Variants in YAF2 observed in about 807,000 individuals in gnomAD.
YAF2 encodes YY1 associated factor 2.
A neutral mutation model predicts 20.1 loss-of-function variants in YAF2; 7 were observed. The ratio of observed to expected loss-of-function variants is 0.35; its 90% CI spans 0.20 to 0.65. The LOEUF is 0.65. Ranked by LOEUF, YAF2 falls within the 30% of genes least tolerant of loss-of-function variation. YAF2 has a pLI of 0.69. For missense variants in YAF2, 151 were observed against 219.2 expected (o/e 0.69, Z 1.96); for synonymous variants, 74 against 76.0 (o/e 0.97, Z 0.14).
At chr12:42,176,875 G>C (rs1479538990) in intron 2 of YAF2, among the ~76,000 whole-genome samples, 2 of 152,176 alleles carry the variant, frequency 1.3e-5, no homozygotes, top group Non-Finnish European at 2.9e-5. Context: ...GCTAAGGCAG[G>C]AGAATCGCTT....
intron 2 of YAF2, among the ~76,000 whole-genome samples, chr12:42,189,516 G>A (rs538214092): frequency 1.3e-5 from 2 of 152,316 alleles, no homozygotes; most frequent in South Asian, 4.1e-4. Flanking sequence ...AGAACCATTA[G>A]GGGCCTGAGA....
At chr12:42,228,149 G>T (rs1299919041) in intron 2 of YAF2, among the ~76,000 whole-genome samples, 2 of 83,906 alleles carry the variant, frequency 2.4e-5, no homozygotes, top group Non-Finnish European at 4.8e-5. Flanking sequence ...AGGGAGGTGG[G>T]GGGGGTCGGC....
intron 2 of YAF2, among the ~76,000 whole-genome samples, chr12:42,217,454 C>T (rs1472483463): frequency 3.9e-5 from 6 of 151,970 alleles, no homozygotes; most frequent in African/African-American, 1.5e-4. Flanking sequence ...TATAAATATT[C>T]CTTAAAAAAC....
At chr12:42,199,044 G>C (rs2066830584) in intron 2 of YAF2, 2 of 625,798 alleles carry the variant, frequency 3.2e-6, no homozygotes, top group Non-Finnish European at 4.5e-6. Context: ...CATTTTTGTT[G>C]AATTTAATAT....
chr12:42,206,712 A>T (rs1256307384), intron 2 of YAF2, among the ~76,000 whole-genome samples: 2 of 152,166 alleles, frequency 1.3e-5, no homozygotes, highest in African/African-American at 4.8e-5. Context: ...GACAAAAAAA[A>T]AATCACTTTT....
intron 2 of YAF2, chr12:42,234,565 TGC>T: frequency 2.0e-6 from 2 of 985,400 alleles, no homozygotes; most frequent in Non-Finnish European, 2.4e-6. Flanking sequence ...TTGAAATACA[TGC>T]CATGAATGTA....
intron 2 of YAF2, among the ~76,000 whole-genome samples, chr12:42,200,802 T>G (rs1270133362): frequency 6.6e-6 from 1 of 152,210 alleles, no homozygotes; most frequent in Non-Finnish European, 1.5e-5. Flanking sequence ...AAAGGTAGCA[T>G]GGTATAGTGG....
intron 2 of YAF2, among the ~76,000 whole-genome samples, chr12:42,213,382 A>C (rs1337884080): frequency 6.6e-6 from 1 of 152,234 alleles, no homozygotes; most frequent in Non-Finnish European, 1.5e-5. Flanking sequence ...AGGTGGGAAA[A>C]AGAACAAAAT....
chr12:42,216,348 G>A (rs1195252912), intron 2 of YAF2, among the ~76,000 whole-genome samples: 7 of 152,118 alleles, frequency 4.6e-5, no homozygotes, highest in Non-Finnish European at 8.8e-5. Context: ...TGGAACTTGA[G>A]AGAAAAATTA....
rs369537894 is a variant in YAF2, at chr12:42,227,175, G to A, written c.152+10424C>T. Among the ~76,000 whole-genome samples, 332 of 145,090 alleles carry A rather than the reference G, an allele frequency of 2.3e-3. 4 individuals are homozygous for A. Among genetic ancestry groups the A allele is most frequent in the East Asian group, 0.013 (63 of 4,720 alleles). ...GGAGGCAGCGGCTGGAGGAGCGGAC[G>A]GGCCCCACGGGGCCCGAGGGCAAGG... On this transcript the variant is annotated intron_variant, in intron 2 of 3. Coordinates refer to ENST00000534854, the MANE Select transcript of YAF2 (RefSeq NM_005748.6).
At chr12:42,235,635 T>TA in intron 2 of YAF2, 1 of 1,508,256 alleles carries the variant, frequency 6.6e-7, no homozygotes, top group Non-Finnish European at 8.8e-7. Flanking sequence ...CAGTGTCCCT[T>TA]AGATTTCTGG....
chr12:42,177,670 T>A (rs2066230658), intron 2 of YAF2, among the ~76,000 whole-genome samples: 1 of 152,198 alleles, frequency 6.6e-6, no homozygotes, highest in African/African-American at 2.4e-5. Context: ...GCATCCTGCA[T>A]CAATGGCTTT....
At chr12:42,161,449 A>G (rs1365018074) in intron 3 of YAF2, 164 bp downstream of exon 3, 1 of 683,894 alleles carries the variant, frequency 1.5e-6, no homozygotes, top group African/African-American at 1.9e-5. Context: ...TTCTGTGTTT[A>G]ATTTCCTATG....
chr12:42,171,061 C>T (rs987137624), intron 2 of YAF2, among the ~76,000 whole-genome samples: 1 of 151,922 alleles, frequency 6.6e-6, no homozygotes. Flanking sequence ...GGCGTGATCT[C>T]GGCTAACTGC....
intron 2 of YAF2, among the ~76,000 whole-genome samples, chr12:42,195,963 T>C (rs985249642): frequency 2.0e-5 from 3 of 151,820 alleles, no homozygotes; most frequent in African/African-American, 7.3e-5. Context: ...GGCTCATACC[T>C]GTAATCCCAG....
chr12:42,202,348 T>A (rs1369309771), intron 2 of YAF2, among the ~76,000 whole-genome samples: 1 of 152,218 alleles, frequency 6.6e-6, no homozygotes, highest in African/African-American at 2.4e-5. Context: ...TATACTCCTG[T>A]GTGTGATCCA....
intron 2 of YAF2, among the ~76,000 whole-genome samples, chr12:42,212,762 T>C (rs753399848): frequency 2.7e-4 from 41 of 152,226 alleles, no homozygotes; most frequent in Non-Finnish European, 5.1e-4. Flanking sequence ...AAGATACAAA[T>C]TGCCTTGGGT....
At position 42,227,869 on chromosome 12, in the gene YAF2, C is replaced by G. The variant is rs1196483708; in HGVS notation, c.152+9730G>C. On this transcript the variant is annotated intron_variant, in intron 2 of 3. Transcript: ENST00000534854. ...TGGGGGGGTCAGCCCCCCGCCCCGC[C>G]AGCCGCCCCGTCCGGGAGGTGAGGG... 3.0e-3 allele frequency among the ~76,000 whole-genome samples: 425 copies of G among 142,976 alleles called. 4 individuals carry two copies. The highest frequency in any genetic ancestry group is 0.01 in the African/African-American group (396 of 38,034). 93.8% of individuals were successfully genotyped at this position (142,976 alleles called of 152,430 possible). A position where few individuals can be genotyped will look rare whatever the true frequency, so the allele number is the denominator to read the frequency against.
chr12:42,236,486 C>T (rs1318347174), intron 2 of YAF2, among the ~76,000 whole-genome samples: 1 of 152,134 alleles, frequency 6.6e-6, no homozygotes, highest in Non-Finnish European at 1.5e-5. Context: ...TCAAAACCAG[C>T]GAGCTTCACT....
Sources: allele counts gnomAD v4.1 joint callset (sites outside exome capture counted in the v4.1 genomes callset), GRCh38; gene constraint gnomAD v4.1.1; transcripts MANE v1.5; gene names NCBI Gene and HGNC (gene_info 2026-07-23, HGNC 2026-07-21).